The following SCARA5 variants were observed in gnomAD, a reference collection of about 807,000 sequenced individuals.
SCARA5 encodes the protein scavenger receptor class A member 5, also known as scavenger receptor class A, member 5 (putative).
In SCARA5, 45 loss-of-function variants were observed where a neutral mutation model predicts 46.3. The observed-to-expected ratio is 0.97, with a 90% CI of 0.76 to 1.24. The LOEUF (loss-of-function observed/expected upper bound fraction) is 1.24, where lower values mean the gene tolerates loss of function less well. Among genes scored for constraint, SCARA5 ranks in the 50% most tolerant of loss-of-function variants. The pLI, the probability that SCARA5 is intolerant of heterozygous loss-of-function variation, is 0.00. For synonymous variants in SCARA5, 333 were observed against 306.5 expected (o/e 1.09, Z -0.90); for missense variants, 680 against 689.0 (o/e 0.99, Z 0.15).
chr8:27,915,158 C>T (rs957490192), intron 4 of SCARA5, among the ~76,000 whole-genome samples: 1 of 152,188 alleles, frequency 6.6e-6, no homozygotes, highest in African/African-American at 2.4e-5. Flanking sequence ...GGATTCTGAG[C>T]CCCTATCACC....
rs1010748333 is a variant in SCARA5, at chr8:27,871,800, T to C, written c.*134A>G. ...ACGACCGGCCCCCACGGTCCTGGGA[T>C]GCAGGTGTGAGGACTGAGAATGCTG... On this transcript the variant is annotated 3_prime_UTR_variant, in exon 9 of 9. Transcript: ENST00000354914. 5.9e-6 allele frequency: 9 copies of C among 1,530,494 alleles called. No homozygotes were observed. The African/African-American group carries it at 1.1e-4, about 19-fold the overall frequency. The allele number at this position is 1,530,494 out of a possible 1,614,324, so 94.8% of individuals were successfully genotyped here. A position where few individuals can be genotyped will look rare whatever the true frequency, so the allele number is the denominator to read the frequency against.
At chr8:27,960,909 A>T (rs1209071502) in intron 3 of SCARA5, among the ~76,000 whole-genome samples, 1 of 152,204 alleles carries the variant, frequency 6.6e-6, no homozygotes, top group Non-Finnish European at 1.5e-5. Flanking sequence ...ATGTGTGTGT[A>T]CTGGTTGTGT....
chr8:27,977,158 G>A (rs1428267203), intron 2 of SCARA5, among the ~76,000 whole-genome samples: 9 of 152,116 alleles, frequency 5.9e-5, no homozygotes, highest in Non-Finnish European at 1.2e-4. Context: ...CCTTTTATAA[G>A]GGCACTTATC....
chr8:27,934,739 GA>G (rs1484292799), intron 3 of SCARA5, among the ~76,000 whole-genome samples: 1 of 152,198 alleles, frequency 6.6e-6, no homozygotes, highest in African/African-American at 2.4e-5. Flanking sequence ...TGAACCCCTG[GA>G]GCAGGGGGCA....
At chr8:27,878,826 C>T (rs1184931090) in intron 8 of SCARA5, among the ~76,000 whole-genome samples, 5 of 152,214 alleles carry the variant, frequency 3.3e-5, no homozygotes, top group African/African-American at 1.2e-4. Flanking sequence ...TGGTGGCTCA[C>T]GCCTGTAATC....
intron 8 of SCARA5, among the ~76,000 whole-genome samples, chr8:27,874,348 G>A (rs1806690003): frequency 6.6e-6 from 1 of 152,214 alleles, no homozygotes; most frequent in African/African-American, 2.4e-5. Flanking sequence ...TTGAGGTGAA[G>A]AGGCCCTGCC....
chr8:27,908,448 G>A (rs1020303927), intron 5 of SCARA5, among the ~76,000 whole-genome samples: 15 of 152,222 alleles, frequency 9.9e-5, no homozygotes, highest in African/African-American at 3.4e-4. Flanking sequence ...CTGCAAAGCA[G>A]AGCACCCTTA....
At position 27,949,623 on chromosome 8, in the gene SCARA5, G is replaced by A. The variant is rs574746161; in HGVS notation, c.241+16791C>T. 2.6e-5 allele frequency among the ~76,000 whole-genome samples: 4 copies of A among 152,196 alleles called. No individual in the cohort carries two copies. The South Asian group carries it at 6.2e-4, about 24-fold the overall frequency. On this transcript the variant is annotated intron_variant, in intron 3 of 8. Coordinates refer to ENST00000354914, the MANE Select transcript of SCARA5 (RefSeq NM_173833.6). ...AGCCTGGAAGCAGGGCAGGCAGATC[G>A]GAGAGCAGCAGCAGTGCCTGACTCA...
At position 27,966,454 on chromosome 8, in the gene SCARA5, C is replaced by A. The variant is rs1248787547; in HGVS notation, c.201G>T (p.Leu67=). 1 of 1,613,462 alleles carries A rather than the reference C, an allele frequency of 6.2e-7. No homozygotes were observed. The highest frequency in any genetic ancestry group is 8.5e-7 in the Non-Finnish European group (1 of 1,179,776). Reference sequence around the variant, plus strand: ...TGCCCACAAGAATCAGGAAGACCAGCAGGTAGAGCCCCAGGACAGCATGCT... The same window carrying A: ...TGCCCACAAGAATCAGGAAGACCAGAAGGTAGAGCCCCAGGACAGCATGCT... ...ALKHAVLGLY[L]LVFLILVGIF... is the part of the protein sequence containing the mutation. The change falls in exon 3 of 9, where the codon CTG becomes CTT. Residue 67 remains leucine (L), a synonymous_variant. Transcript: ENST00000354914.
chr8:27,966,329 C>T (rs1808366831), intron 3 of SCARA5, 85 bp downstream of exon 3: 3 of 1,388,154 alleles, frequency 2.2e-6, no homozygotes, highest in African/African-American at 1.4e-5. Context: ...AGTGTTTGGG[C>T]TCATGACAGT....
At chr8:27,930,203 G>A (rs958339734) in intron 3 of SCARA5, among the ~76,000 whole-genome samples, 1 of 152,152 alleles carries the variant, frequency 6.6e-6, no homozygotes, top group African/African-American at 2.4e-5. Context: ...GGCACACGGT[G>A]CAAGGTAATT....
intron 7 of SCARA5, among the ~76,000 whole-genome samples, chr8:27,884,212 C>T (rs1216668769): frequency 2.0e-5 from 3 of 152,186 alleles, no homozygotes; most frequent in Non-Finnish European, 4.4e-5. Flanking sequence ...ACCGTTCTCC[C>T]CACACAGACT....
intron 3 of SCARA5, among the ~76,000 whole-genome samples, chr8:27,965,494 G>A (rs575032093): frequency 6.6e-6 from 1 of 151,598 alleles, no homozygotes; most frequent in Non-Finnish European, 1.5e-5. Context: ...CACAGTGCCC[G>A]CTGCATTCTG....
intron 7 of SCARA5, among the ~76,000 whole-genome samples, chr8:27,894,469 G>A (rs1468480315): frequency 6.6e-6 from 1 of 152,200 alleles, no homozygotes; most frequent in Non-Finnish European, 1.5e-5. Flanking sequence ...GAAAGCAGTA[G>A]CTCCAGTCTT....
intron 3 of SCARA5, among the ~76,000 whole-genome samples, chr8:27,925,078 A>T (rs1347802376): frequency 1.3e-5 from 2 of 152,220 alleles, no homozygotes; most frequent in Non-Finnish European, 2.9e-5. Context: ...TAATTTATAG[A>T]TTCAATGCCA....
chr8:27,900,807 T>TTC (rs1299979492), intron 7 of SCARA5, among the ~76,000 whole-genome samples: 2 of 149,548 alleles, frequency 1.3e-5, no homozygotes, highest in African/African-American at 2.5e-5. Context: ...TTTTTTTTTT[T>TTC]CCTGGCCAAA....
At chr8:27,911,759 C>G (rs1807381602) in intron 4 of SCARA5, among the ~76,000 whole-genome samples, 1 of 152,134 alleles carries the variant, frequency 6.6e-6, no homozygotes, top group Non-Finnish European at 1.5e-5. Context: ...AGTGTCCCTA[C>G]CCCCTTAAAT....
intron 2 of SCARA5, among the ~76,000 whole-genome samples, chr8:27,973,108 C>T (rs879162363): frequency 5.3e-5 from 8 of 152,152 alleles, no homozygotes; most frequent in African/African-American, 1.2e-4. Flanking sequence ...CTATTACATT[C>T]GCCGTATGCA....
At chr8:27,975,262 G>A (rs1389062515) in intron 2 of SCARA5, among the ~76,000 whole-genome samples, 3 of 152,166 alleles carry the variant, frequency 2.0e-5, no homozygotes, top group Non-Finnish European at 4.4e-5. Flanking sequence ...GGCATGGAAG[G>A]TCTGCACCCC....
Sources: allele counts gnomAD v4.1 joint callset (sites outside exome capture counted in the v4.1 genomes callset), GRCh38; gene constraint gnomAD v4.1.1; transcripts MANE v1.5; gene names NCBI Gene and HGNC (gene_info 2026-07-23, HGNC 2026-07-21).